Variants in ZNF273 observed in about 807,000 individuals in gnomAD.
ZNF273 encodes the protein zinc finger protein 273.
ZNF273 carries 11 observed loss-of-function variants against 14.9 expected under a neutral mutation model. That is an observed-to-expected ratio of 0.74 (90% confidence interval 0.46 to 1.22). The LOEUF (loss-of-function observed/expected upper bound fraction) is 1.22. Among genes scored for constraint, ZNF273 ranks in the 50% most tolerant of loss-of-function variants. The probability of loss-of-function intolerance (pLI) is 0.00; values close to 1 mark genes in which losing one functional copy is unlikely to be tolerated. For synonymous variants in ZNF273, 199 were observed against 223.9 expected, an observed-to-expected ratio of 0.89 and a Z score of 0.99; for missense variants, 577 against 660.6, an observed-to-expected ratio of 0.87 and a Z score of 1.39.
intron 3 of ZNF273, among the ~76,000 whole-genome samples, chr7:64,925,988 G>T (rs946557605): frequency 1.3e-5 from 2 of 152,046 alleles, no homozygotes; most frequent in Admixed American, 1.3e-4. Flanking sequence ...TTGTTTTCTT[G>T]CATCATGTTA....
chr7:64,906,287 T>C (rs1479495586), intron 1 of ZNF273, among the ~76,000 whole-genome samples: 1 of 152,222 alleles, frequency 6.6e-6, no homozygotes, highest in Non-Finnish European at 1.5e-5. Flanking sequence ...TAATGCTGAA[T>C]TATATGGTAA....
At chr7:64,883,129 G>A (rs1338390431), downstream of ZNF273, among the ~76,000 whole-genome samples, 1 of 151,904 alleles carries the variant, frequency 6.6e-6, no homozygotes, top group African/African-American at 2.4e-5. Flanking sequence ...GGGCTGCGGG[G>A]CTCCGCGTCC....
chr7:64,914,362 A>AC lies in ZNF273; in HGVS notation c.103-3218dup, dbSNP rs35015366. On this transcript the variant is annotated intron_variant, in intron 1 of 3. Coordinates refer to ENST00000476120, the MANE Select transcript of ZNF273 (RefSeq NM_021148.3). ...TGTTTCTGCTATTTAAAAAAAAAAA[A>AC]CACTATTATTATTACTTATTATTTT... 2.0e-5 allele frequency among the ~76,000 whole-genome samples: 3 copies of AC among 150,226 alleles called. No individual in the cohort carries two copies. The Admixed American group carries it at 2.0e-4, about 10-fold the overall frequency.
At chr7:64,934,404 T>C (rs768505533), downstream of ZNF273, among the ~76,000 whole-genome samples, 1 of 152,204 alleles carries the variant, frequency 6.6e-6, no homozygotes. Context: ...CCTAGACCAA[T>C]GTAATGGGGC....
intron 1 of ZNF273, among the ~76,000 whole-genome samples, chr7:64,887,445 G>A (rs1217758705): frequency 6.6e-6 from 1 of 152,200 alleles, no homozygotes. Flanking sequence ...TGAGTGGAGA[G>A]GGCCAGTGTC....
intron 1 of ZNF273, among the ~76,000 whole-genome samples, chr7:64,913,279 T>C (rs1389130782): frequency 6.6e-6 from 1 of 152,198 alleles, no homozygotes; most frequent in Non-Finnish European, 1.5e-5. Flanking sequence ...GTTTTTATTC[T>C]ATGCATTTTT....
chr7:64,928,163 A>G lies in ZNF273; in HGVS notation c.835A>G (p.Lys279Glu). The stretch of plus-strand genomic sequence containing the variant: ...CTTTAACCAGTCCTTAACTCTTACT[A>G]AACATAAAAAAATTCATACTGAAGA... The part of the protein sequence containing the change: ...KAFNQSLTLT[K>E]HKKIHTEEKP... Residue 279 changes from lysine to glutamate, a missense_variant, in exon 4 of 4, where the codon AAA becomes GAA. By Grantham distance (56) the Lys-to-Glu change is moderately conservative (BLOSUM62 1). This residue lies in a region of ZNF273 where 411 missense variants were observed against 440.4 expected (regional missense o/e 0.93). Coordinates refer to ENST00000476120, the MANE Select transcript of ZNF273 (RefSeq NM_021148.3). 6.2e-7 allele frequency: 1 copy of G among 1,613,068 alleles called. No homozygotes were observed. Among genetic ancestry groups the G allele is most frequent in the South Asian group, 1.1e-5 (1 of 90,872 alleles).
chr7:64,918,309 G>T lies in ZNF273; in HGVS notation c.325+17G>T. On this transcript the variant is annotated intron_variant, in intron 3 of 3. Coordinates refer to ENST00000476120, the MANE Select transcript of ZNF273 (RefSeq NM_021148.3). ...AACCCCCAGGTAGGTGAGAGTGATAGCGAATATAACAGATGACACAGATGA... is the reference window on the plus strand; with the variant it reads ...AACCCCCAGGTAGGTGAGAGTGATATCGAATATAACAGATGACACAGATGA... 1 of 1,541,204 alleles carries T rather than the reference G, an allele frequency of 6.5e-7. No homozygotes were observed.
chr7:64,937,169 G>C, the ZNF273 span, among the ~76,000 whole-genome samples: 1 of 152,218 alleles, frequency 6.6e-6, no homozygotes, highest in East Asian at 1.9e-4. Context: ...AAATACATTA[G>C]CTTTTTATGA....
chr7:64,906,826 C>T (rs1002225283), intron 1 of ZNF273, among the ~76,000 whole-genome samples: 1 of 137,380 alleles, frequency 7.3e-6, no homozygotes, highest in East Asian at 2.0e-4. Context: ...CAAAATAAAA[C>T]AAAGTTATGT....
chr7:64,922,521 G>A (rs1174857977), intron 3 of ZNF273, among the ~76,000 whole-genome samples: 6 of 151,144 alleles, frequency 4.0e-5, no homozygotes, highest in Admixed American at 2.6e-4. Context: ...CATGTTGGCC[G>A]GGCTGGTCTT....
chr7:64,891,986 C>G (rs544616764), downstream of ZNF273, among the ~76,000 whole-genome samples: 1 of 152,336 alleles, frequency 6.6e-6, no homozygotes, highest in Non-Finnish European at 1.5e-5. Context: ...GCAGCCCAAT[C>G]CATCCCTCAC....
At chr7:64,898,097 G>C (rs938899233) in intron 4 of ZNF273, 4 of 152,108 alleles carry the variant, frequency 2.6e-5, no homozygotes, top group African/African-American at 9.7e-5. Flanking sequence ...AGCCAAAAAA[G>C]GGATATTGTT....
At chr7:64,913,512 C>T (rs752314409) in intron 1 of ZNF273, among the ~76,000 whole-genome samples, 3 of 152,232 alleles carry the variant, frequency 2.0e-5, no homozygotes, top group Non-Finnish European at 4.4e-5. Flanking sequence ...TACATGTGTA[C>T]ATGCTGTTTT....
chr7:64,896,100 A>G (rs1187796920), intron 3 of ZNF273, among the ~76,000 whole-genome samples: 13 of 152,062 alleles, frequency 8.5e-5, no homozygotes, highest in Admixed American at 8.5e-4. Context: ...AAATTCAACA[A>G]AGTTGCAATA....
intron 1 of ZNF273, 32 bp downstream of exon 1, chr7:64,903,451 G>C (rs141519570): frequency 1.5e-5 from 24 of 1,584,694 alleles, no homozygotes; most frequent in African/African-American, 2.7e-5. Flanking sequence ...TCCCGAGAGA[G>C]GGGGAGGGCC....
At chr7:64,883,221 C>G (rs906763189), downstream of ZNF273, among the ~76,000 whole-genome samples, 3 of 147,730 alleles carry the variant, frequency 2.0e-5, no homozygotes, top group East Asian at 6.3e-4. Flanking sequence ...ACCACCCCCC[C>G]CTCACCAAGC....
chr7:64,892,768 T>C (rs1260367144), downstream of ZNF273, among the ~76,000 whole-genome samples: 1 of 152,214 alleles, frequency 6.6e-6, no homozygotes, highest in Non-Finnish European at 1.5e-5. Flanking sequence ...GGACCAGGTA[T>C]GTCATTTGCA....
Position 64,928,074 on chromosome 7 carries a change from T to C in ZNF273, c.746T>C (p.Leu249Pro). ...CGKAFNQFSN[L>P]TKHKIIHPEV... The stretch of plus-strand genomic sequence containing the variant: ...AAAGCCTTTAACCAGTTCTCAAATC[T>C]TACTAAACATAAGATAATTCATCCT... The change falls in exon 4 of 4, where the codon CTT becomes CCT. Residue 249 changes from leucine to proline, a missense_variant. Physicochemically the swap from Leu to Pro is moderately conservative, Grantham distance 98. Coordinates refer to ENST00000476120, the MANE Select transcript of ZNF273 (RefSeq NM_021148.3). 1 of 1,613,572 alleles carries C rather than the reference T, an allele frequency of 6.2e-7. No homozygotes were observed. Among genetic ancestry groups the C allele is most frequent in the Non-Finnish European group, 8.5e-7 (1 of 1,179,656 alleles).
Sources: allele counts gnomAD v4.1 joint callset (sites outside exome capture counted in the v4.1 genomes callset), GRCh38; gene constraint gnomAD v4.1.1; regional missense constraint gnomAD v4.1.1; transcripts MANE v1.5; gene names NCBI Gene and HGNC (gene_info 2026-07-23, HGNC 2026-07-21).